Variants in PEX11A observed in about 807,000 individuals in gnomAD.
PEX11A encodes the protein peroxisomal membrane protein 11A.
PEX11A carries 13 observed loss-of-function variants against 14.4 expected under a neutral mutation model. The ratio of observed to expected loss-of-function variants is 0.90; its 90% confidence interval spans 0.59 to 1.43. The LOEUF (loss-of-function observed/expected upper bound fraction) is 1.43, where lower values mean the gene tolerates loss of function less well. PEX11A is among the 40% of genes most tolerant of loss of function. PEX11A has a pLI of 0.00. For missense variants in PEX11A, 290 were observed against 302.8 expected, an observed-to-expected ratio of 0.96 and a Z score of 0.31; for synonymous variants, 101 against 113.0, an observed-to-expected ratio of 0.89 and a Z score of 0.67.
intron 1 of PEX11A, among the ~76,000 whole-genome samples, chr15:89,689,794 G>C (rs1964771602): frequency 6.6e-6 from 1 of 152,120 alleles, no homozygotes; most frequent in Non-Finnish European, 1.5e-5. Flanking sequence ...ATACAGCCTG[G>C]GTAATAATGG....
intron 1 of PEX11A, among the ~76,000 whole-genome samples, chr15:89,688,876 C>T (rs1383865797): frequency 6.6e-6 from 1 of 151,766 alleles, no homozygotes; most frequent in Non-Finnish European, 1.5e-5. Context: ...CCACAACGCC[C>T]AGCTAATTTT....
intron 1 of PEX11A, among the ~76,000 whole-genome samples, chr15:89,689,783 G>A (rs755177798): frequency 9.2e-5 from 14 of 152,182 alleles, no homozygotes; most frequent in Non-Finnish European, 1.5e-4. Context: ...GTATCTCAAT[G>A]ATACAGCCTG....
At chr15:89,686,643 A>G in intron 1 of PEX11A, 97 bp from the exon 2 acceptor site, 1 of 650,528 alleles carries the variant, frequency 1.5e-6, no homozygotes, top group Non-Finnish European at 2.7e-6. Flanking sequence ...CCTCCAGACA[A>G]CATTTCCAAG....
chr15:89,686,253 G>A (rs1460538868), intron 2 of PEX11A, among the ~76,000 whole-genome samples, 178 bp downstream of exon 2: 1 of 152,198 alleles, frequency 6.6e-6, no homozygotes, highest in Non-Finnish European at 1.5e-5. Flanking sequence ...GTTTATGAAT[G>A]GTCTGCAGCA....
Position 89,682,896 on chromosome 15 carries a change from C to A in PEX11A, c.*481G>T. The A allele has an allele frequency of 6.3e-6, 1 of 158,698 alleles. No individual in the cohort carries two copies. 9.8% of individuals were successfully genotyped at this position (158,698 alleles called of 1,614,324 possible). A position where few individuals can be genotyped will look rare whatever the true frequency, so the allele number is the denominator to read the frequency against. On this transcript the variant is annotated 3_prime_UTR_variant, in exon 3 of 3. Coordinates refer to ENST00000300056, the MANE Select transcript of PEX11A (RefSeq NM_003847.3). ...GTATAAGGGCCAACAAGTTGAGAGG[C>A]TGTAAGCCCAGCTCTCCTCCATCCT...
At chr15:89,686,955 G>A (rs573596984) in intron 1 of PEX11A, among the ~76,000 whole-genome samples, 12 of 150,802 alleles carry the variant, frequency 8.0e-5, no homozygotes, top group East Asian at 1.9e-4. Flanking sequence ...ATCGAGTCTC[G>A]CTCTTTCGCC....
In PEX11A at chr15:89,686,428, T is replaced by TA. The variant is rs1268362644; in HGVS notation, c.172+2dup. The TA allele has an allele frequency of 7.4e-7, 1 of 1,344,838 alleles. No individual in the cohort carries two copies. The highest frequency in any genetic ancestry group is 1.2e-5 in the South Asian group (1 of 85,032). 83.3% of individuals were successfully genotyped at this position (1,344,838 alleles called of 1,614,324 possible). On this transcript the variant is annotated splice_region_variant and intron_variant, in intron 2 of 2. Transcript: ENST00000300056. Reference sequence around the variant, plus strand: ...ACTGTCCCTCAAGAAACAGGGTACTTACATTTACGACCAGTGCTCACACTG... The same window carrying TA: ...ACTGTCCCTCAAGAAACAGGGTACTTAACATTTACGACCAGTGCTCACACTG...
chr15:89,683,893 A>G lies in PEX11A; in HGVS notation c.228T>C (p.His76=). 6.2e-7 allele frequency: 1 copy of G among 1,614,190 alleles called. No individual in the cohort carries two copies. Among genetic ancestry groups the G allele is most frequent in the Non-Finnish European group, 8.5e-7 (1 of 1,179,988 alleles). ...HAIQATEQSI[H]ATDLVPRLCL... ...ATAAGCGAGGTACCAGGTCAGTGGC[A>G]TGAATGCTCTGCTCAGTTGCCTGTA... The change falls in exon 3 of 3, where the codon CAT becomes CAC. Residue 76 remains histidine (H), a synonymous_variant. Transcript: ENST00000300056.
In PEX11A at chr15:89,683,520, T is replaced by C. The variant is rs774401334; in HGVS notation, c.601A>G (p.Asn201Asp). The C allele has an allele frequency of 6.2e-7, 1 of 1,614,192 alleles. No homozygotes were observed. Among genetic ancestry groups the C allele is most frequent in the East Asian group, 2.2e-5 (1 of 44,890 alleles). ...AAAGGGTTCAGGATATCACAAAGGTTCTTCACTGTGTCCAGGAGCAAGGGA... is the reference window on the plus strand; with the variant it reads ...AAAGGGTTCAGGATATCACAAAGGTCCTTCACTGTGTCCAGGAGCAAGGGA... ...HPPLLLDTVK[N>D]LCDILNPLDQ... The change falls in exon 3 of 3, where the codon AAC (asparagine) becomes GAC (aspartate). Residue 201 changes from asparagine (N) to aspartate (D), a missense_variant. By Grantham distance (23) the Asn-to-Asp change is conservative. Transcript: ENST00000300056.
chr15:89,681,551 A>G lies in PEX11A; in HGVS notation c.*1826T>C, dbSNP rs780828141. On this transcript the variant is annotated 3_prime_UTR_variant, in exon 3 of 3. Transcript: ENST00000300056. ...ACAAGTCAATTTTGTCTAGAAATTTATTGAACATAGTTAATCTATTACAGT... is the reference window on the plus strand; with the variant it reads ...ACAAGTCAATTTTGTCTAGAAATTTGTTGAACATAGTTAATCTATTACAGT... 1 of 702,252 alleles carries G rather than the reference A, an allele frequency of 1.4e-6. No individual in the cohort carries two copies. The highest frequency in any genetic ancestry group is 1.5e-5 in the South Asian group (1 of 67,574). 43.5% of individuals were successfully genotyped at this position (702,252 alleles called of 1,614,324 possible).
intron 1 of PEX11A, chr15:89,687,814 G>C: frequency 6.8e-6 from 2 of 294,638 alleles, no homozygotes; most frequent in South Asian, 6.6e-5. Context: ...CTGCCTTTCT[G>C]AGCTTTGGTC....
At position 89,683,652 on chromosome 15, in the gene PEX11A, CTT is replaced by C. The variant is rs746859717; in HGVS notation, c.467_468del (p.Lys156ArgfsTer15). 5.6e-6 allele frequency: 9 copies of C among 1,614,178 alleles called. No individual in the cohort carries two copies. In the East Asian group the frequency reaches 1.3e-4, roughly 24 times the overall value. On this transcript the variant is annotated frameshift_variant, in exon 3 of 3. Transcript: ENST00000300056. LOFTEE classifies it high-confidence loss of function. ...MKRVTCDRAK[K>X]EKSASQDPLW... ...AGAGGATCCTGGGATGCTGATTTCT[CTT>C]TCTTTGCCCTGTCACATGTAACTCG...
At chr15:89,686,961 T>C (rs1964686871) in intron 1 of PEX11A, among the ~76,000 whole-genome samples, 1 of 152,062 alleles carries the variant, frequency 6.6e-6, no homozygotes, top group Admixed American at 6.6e-5. Context: ...TCTCGCTCTT[T>C]CGCCAGGCTG....
At position 89,690,667 on chromosome 15, in the gene PEX11A, C is replaced by G. The variant is rs953305673; in HGVS notation, c.-35G>C. On this transcript the variant is annotated 5_prime_UTR_variant, in exon 1 of 3. Coordinates refer to ENST00000300056, the MANE Select transcript of PEX11A (RefSeq NM_003847.3). ...CCCAAAGGCCACGAGTCGCACGGGG[C>G]TCAGGCGTGGGTCCTCTGGGGCCCG... 3 of 1,525,682 alleles carry G rather than the reference C, an allele frequency of 2.0e-6. No homozygotes were observed. Among genetic ancestry groups the G allele is most frequent in the East Asian group, 2.5e-5 (1 of 40,746 alleles). 94.5% of individuals were successfully genotyped at this position (1,525,682 alleles called of 1,614,324 possible).
At chr15:89,685,564 G>A (rs1336338382) in intron 2 of PEX11A, among the ~76,000 whole-genome samples, 1 of 151,848 alleles carries the variant, frequency 6.6e-6, no homozygotes, top group African/African-American at 2.4e-5. Context: ...GGTTTACTCA[G>A]TTCTGAGCCT....
At chr15:89,690,271 A>T (rs1442153364) in intron 1 of PEX11A, among the ~76,000 whole-genome samples, 5 of 152,288 alleles carry the variant, frequency 3.3e-5, no homozygotes, top group Middle Eastern at 3.4e-3. Flanking sequence ...CCGGAGAGCA[A>T]AGTTAGGAGG....
chr15:89,690,131 A>G (rs1051205119), intron 1 of PEX11A, among the ~76,000 whole-genome samples: 5 of 152,242 alleles, frequency 3.3e-5, no homozygotes, highest in African/African-American at 1.2e-4. Context: ...CTCAAAAGAA[A>G]AAAAAAAGAG....
At chr15:89,684,002 A>ATTCTATCTTCCTGTTGT in intron 2 of PEX11A, 54 bp from the exon 3 acceptor site, 1 of 1,277,928 alleles carries the variant, frequency 7.8e-7, no homozygotes, top group Non-Finnish European at 1.1e-6. Flanking sequence ...CACAACAGGA[A>ATTCTATCTTCCTGTTGT]GATAGAATCC....
Position 89,683,472 on chromosome 15 carries a change from A to T in PEX11A, c.649T>A (p.Ser217Thr). The T allele has an allele frequency of 6.2e-7, 1 of 1,614,152 alleles. No individual in the cohort carries two copies. Among genetic ancestry groups the T allele is most frequent in the South Asian group, 1.1e-5 (1 of 91,086 alleles). Reference sequence around the variant, plus strand: ...CCAAGTCCAATGATGCCAGGATTGGATTTATAGATCCCCAGCTGGTCCAAA... The same window carrying T: ...CCAAGTCCAATGATGCCAGGATTGGTTTTATAGATCCCCAGCTGGTCCAAA... ...NPLDQLGIYK[S>T]NPGIIGLGGL... The change falls in exon 3 of 3, where the codon TCC becomes ACC. Residue 217 changes from serine (S) to threonine (T), a missense_variant. By Grantham distance (58) the Ser-to-Thr change is moderately conservative. Coordinates refer to ENST00000300056, the MANE Select transcript of PEX11A (RefSeq NM_003847.3).
Sources: gnomAD v4.1 joint callset for allele counts (sites outside exome capture counted in the v4.1 genomes callset) on GRCh38, gnomAD v4.1.1 for gene constraint, MANE v1.5 for transcripts, NCBI Gene and HGNC (gene_info 2026-07-23, HGNC 2026-07-21) for gene names.